The following CLEC17A variants were observed in gnomAD, a reference collection of about 807,000 sequenced individuals.
CLEC17A encodes C-type lectin domain containing 17A.
CLEC17A carries 37 observed loss-of-function variants against 61.3 expected under a neutral mutation model. That is an observed-to-expected ratio of 0.60 (90% CI 0.46 to 0.79). The LOEUF is 0.79. Among genes scored for constraint, CLEC17A ranks in the 30% least tolerant of loss-of-function variants. The pLI is 0.00. For synonymous variants in CLEC17A, 168 were observed against 164.9 expected (o/e 1.02, Z -0.14); for missense variants, 418 against 464.7 (o/e 0.90, Z 0.92).
intron 3 of CLEC17A, among the ~76,000 whole-genome samples, chr19:14,591,104 C>T (rs1160497046): frequency 1.3e-5 from 2 of 151,764 alleles, no homozygotes; most frequent in Non-Finnish European, 2.9e-5. Flanking sequence ...GGGAGCTCAA[C>T]TGGGAGAGGG....
At chr19:14,593,709 C>G (rs12974269) in intron 4 of CLEC17A, among the ~76,000 whole-genome samples, 36,058 of 151,780 alleles carry the variant, frequency 0.24, 7,924 homozygotes, top group African/African-American at 0.59. Context: ...GCCTGTAATC[C>G]CAGCACTTTG....
In CLEC17A at chr19:14,600,065, G is replaced by C; in HGVS notation, c.777G>C (p.Leu259=). Residue 259 remains leucine (L), a synonymous_variant, in exon 12 of 14, where the codon CTG becomes CTC. Transcript: ENST00000417570. The stretch of plus-strand genomic sequence containing the variant: ...GAATTACCTGTCCTGAAGGCTGGCT[G>C]CCCTTTGAGGGCAAGTGTTACTACT... ...CRRITCPEGW[L]PFEGKCYYFS... is the part of the protein sequence containing the mutation. 1 of 1,614,032 alleles carries C rather than the reference G, an allele frequency of 6.2e-7. No individual in the cohort carries two copies. The highest frequency in any genetic ancestry group is 8.5e-7 in the Non-Finnish European group (1 of 1,179,892).
At chr19:14,593,440 A>T (rs1199061222) in intron 4 of CLEC17A, among the ~76,000 whole-genome samples, 2 of 152,026 alleles carry the variant, frequency 1.3e-5, no homozygotes, top group Non-Finnish European at 2.9e-5. Context: ...GGAGCCCCAG[A>T]AAAGAGACCA....
rs200760633 is a variant in CLEC17A, at chr19:14,586,887, C to CTT, written c.122-725_122-724dup. On this transcript the variant is annotated intron_variant, in intron 2 of 13. Coordinates refer to ENST00000417570, the MANE Select transcript of CLEC17A (RefSeq NM_001204118.2). ...CATTGTTTCTTCTTTTTCTTTCTTT[C>CTT]TTTCTTTTTTTTTTTTTTTGAGACA... Among the ~76,000 whole-genome samples the CTT allele has an allele frequency of 4.8e-4, 67 of 139,212 alleles. 2 individuals are homozygous for CTT. Among genetic ancestry groups the CTT allele is most frequent in the South Asian group, 2.0e-3 (9 of 4,506 alleles). 91.3% of individuals were successfully genotyped at this position (139,212 alleles called of 152,430 possible). A position where few individuals can be genotyped will look rare whatever the true frequency, so the allele number is the denominator to read the frequency against.
chr19:14,598,304 T>TTC (rs111468753), intron 10 of CLEC17A, among the ~76,000 whole-genome samples: 35,848 of 149,046 alleles, frequency 0.24, 4,400 homozygotes, highest in African/African-American at 0.29. Context: ...TGTTCTTTCT[T>TTC]TCTCTCTCTC....
Position 14,584,594 on chromosome 19 carries a change from A to G in CLEC17A, c.121+1160A>G, listed in dbSNP as rs71334710. Among the ~76,000 whole-genome samples the G allele has an allele frequency of 3.6e-3, 547 of 151,246 alleles. 5 individuals are homozygous for G. The highest frequency in any genetic ancestry group is 0.012 in the African/African-American group (504 of 40,814). On this transcript the variant is annotated intron_variant, in intron 2 of 13. Coordinates refer to ENST00000417570, the MANE Select transcript of CLEC17A (RefSeq NM_001204118.2). The stretch of plus-strand genomic sequence containing the variant: ...TGTATATCCCCCATCTCTGAGTCCA[A>G]AGTGGGGCCACCTGGGAGGTCCAGA...
chr19:14,607,455 G>A (rs964702548), intron 13 of CLEC17A, among the ~76,000 whole-genome samples: 7 of 151,880 alleles, frequency 4.6e-5, no homozygotes, highest in South Asian at 2.1e-4. Flanking sequence ...TGCCCGCCTT[G>A]GCCTCCCAAA....
At position 14,611,995 on chromosome 19, in the gene CLEC17A, C is replaced by T. The variant is rs897195943; in HGVS notation, c.*1799C>T. On this transcript the variant is annotated 3_prime_UTR_variant, in exon 14 of 14. Coordinates refer to ENST00000417570, the MANE Select transcript of CLEC17A (RefSeq NM_001204118.2). ...CTCCAGCCTGGGTGACAGAGCAAGA[C>T]TCCATCTCAAATAAATAAATAAAAA... 6.6e-6 allele frequency among the ~76,000 whole-genome samples: 1 copy of T among 152,156 alleles called. No individual in the cohort carries two copies. The highest frequency in any genetic ancestry group is 2.4e-5 in the African/African-American group (1 of 41,438).
chr19:14,607,152 AC>A, intron 13 of CLEC17A, 50 bp downstream of exon 13: 3 of 857,768 alleles, frequency 3.5e-6, no homozygotes, highest in Non-Finnish European at 4.7e-6. Context: ...GTGGGCCCTG[AC>A]CATGGGGAGG....
chr19:14,604,118 C>T (rs2074793101), intron 12 of CLEC17A, among the ~76,000 whole-genome samples: 1 of 152,156 alleles, frequency 6.6e-6, no homozygotes, highest in Non-Finnish European at 1.5e-5. Flanking sequence ...GTGAGGCCTT[C>T]TAAGCCTCCA....
At chr19:14,592,467 C>T in intron 4 of CLEC17A, 109 bp downstream of exon 4, 1 of 1,547,130 alleles carries the variant, frequency 6.5e-7, no homozygotes, top group Admixed American at 2.0e-5. Context: ...GTATCCAGCC[C>T]ATGCCAGGCA....
At chr19:14,587,827 C>G in intron 3 of CLEC17A, 136 bp downstream of exon 3, 1 of 1,512,524 alleles carries the variant, frequency 6.6e-7, no homozygotes, top group Non-Finnish European at 8.9e-7. Context: ...AACCCACACC[C>G]TGCCCAGGAG....
intron 2 of CLEC17A, among the ~76,000 whole-genome samples, chr19:14,587,349 C>T (rs2074310445): frequency 6.6e-6 from 1 of 151,986 alleles, no homozygotes; most frequent in South Asian, 2.1e-4. Flanking sequence ...AGACAGATGC[C>T]TTAGACATCT....
chr19:14,582,322 CCT>C (rs2074191861), upstream of CLEC17A, among the ~76,000 whole-genome samples: 1 of 151,498 alleles, frequency 6.6e-6, no homozygotes, highest in African/African-American at 2.4e-5. Context: ...ACGCCATTCT[CCT>C]CCCTCAGCCT....
intron 10 of CLEC17A, among the ~76,000 whole-genome samples, chr19:14,597,921 A>T (rs1028738205): frequency 6.6e-6 from 1 of 152,190 alleles, no homozygotes; most frequent in Non-Finnish European, 1.5e-5. Context: ...CTGAAGGGCC[A>T]GCTACTGAGC....
chr19:14,599,824 T>C lies in CLEC17A; in HGVS notation c.742+12T>C. 3.7e-6 allele frequency: 6 copies of C among 1,607,438 alleles called. No individual in the cohort carries two copies. Among genetic ancestry groups the C allele is most frequent in the Non-Finnish European group, 4.3e-6 (5 of 1,175,054 alleles). ...TTGGGGCTTATTAGGTAAGTGAGAC[T>C]TGGGGAATTGCCCAGGGATGGGGGG... On this transcript the variant is annotated intron_variant, in intron 11 of 13. Coordinates refer to ENST00000417570, the MANE Select transcript of CLEC17A (RefSeq NM_001204118.2).
intron 3 of CLEC17A, among the ~76,000 whole-genome samples, chr19:14,590,887 A>T (rs2146682172): frequency 6.9e-6 from 1 of 144,106 alleles, no homozygotes; most frequent in Non-Finnish European, 1.5e-5. Context: ...TTACAGAGAT[A>T]GGGTCTTGCT....
At chr19:14,589,250 A>C in intron 3 of CLEC17A, among the ~76,000 whole-genome samples, 1 of 128,196 alleles carries the variant, frequency 7.8e-6, no homozygotes, top group African/African-American at 4.1e-5. Context: ...TCCCAACACC[A>C]ATTCTAATCC....
intron 12 of CLEC17A, among the ~76,000 whole-genome samples, chr19:14,604,166 G>A (rs2074794309): frequency 6.6e-6 from 1 of 152,118 alleles, no homozygotes; most frequent in Non-Finnish European, 1.5e-5. Flanking sequence ...TCCGCTCTCT[G>A]ATTTTCTGAC....
Sources: gnomAD v4.1 joint callset for allele counts (sites outside exome capture counted in the v4.1 genomes callset) on GRCh38, gnomAD v4.1.1 for gene constraint, MANE v1.5 for transcripts, NCBI Gene and HGNC (gene_info 2026-07-23, HGNC 2026-07-21) for gene names.